The following SLC39A11 variants were observed in gnomAD, a reference collection of about 807,000 sequenced individuals.
SLC39A11 encodes zinc transporter ZIP11.
A neutral mutation model predicts 36.1 loss-of-function variants in SLC39A11; 33 were observed. That is an observed-to-expected ratio of 0.91 (90% CI 0.69 to 1.22). The LOEUF (loss-of-function observed/expected upper bound fraction) is 1.22. SLC39A11 is among the 50% of genes most tolerant of loss of function. The pLI is 0.00. For synonymous variants in SLC39A11, 166 were observed against 170.3 expected, an observed-to-expected ratio of 0.97 and a Z score of 0.20; for missense variants, 432 against 430.3, an observed-to-expected ratio of 1.00 and a Z score of -0.03.
intron 7 of SLC39A11, among the ~76,000 whole-genome samples, chr17:72,669,977 T>TAC (rs1407752299): frequency 6.7e-6 from 1 of 148,850 alleles, no homozygotes. Context: ...TAGATGTATA[T>TAC]ACACATATAT....
chr17:73,018,419 G>C (rs776113455), intron 4 of SLC39A11, among the ~76,000 whole-genome samples: 5 of 152,010 alleles, frequency 3.3e-5, no homozygotes, highest in African/African-American at 9.7e-5. Context: ...GTGATGGCAG[G>C]CTCCTGTAAT....
At chr17:72,980,281 A>ATATGTCATGAT (rs2088201568) in intron 4 of SLC39A11, among the ~76,000 whole-genome samples, 1 of 152,206 alleles carries the variant, frequency 6.6e-6, no homozygotes, top group Non-Finnish European at 1.5e-5. Context: ...TATGTCATGA[A>ATATGTCATGAT]ATAGGAGACC....
intron 3 of SLC39A11, among the ~76,000 whole-genome samples, chr17:73,082,056 C>T (rs567734622): frequency 2.0e-4 from 29 of 143,218 alleles, no homozygotes; most frequent in Middle Eastern, 3.8e-3. Flanking sequence ...CAGAAATTAC[C>T]GCTAAAGAAC....
chr17:72,875,909 C>T (rs535713828), intron 5 of SLC39A11, among the ~76,000 whole-genome samples: 113 of 152,290 alleles, frequency 7.4e-4, no homozygotes, highest in African/African-American at 2.6e-3. Context: ...TTAACACTGC[C>T]ATGGCAACAT....
intron 5 of SLC39A11, among the ~76,000 whole-genome samples, chr17:72,919,598 G>A (rs1370833373): frequency 6.6e-6 from 1 of 151,552 alleles, no homozygotes; most frequent in African/African-American, 2.4e-5. Context: ...CGAGAACCCG[G>A]GAGGTGGAGC....
chr17:72,758,511 G>A (rs573153682), intron 6 of SLC39A11, among the ~76,000 whole-genome samples: 1 of 152,254 alleles, frequency 6.6e-6, no homozygotes, highest in South Asian at 2.1e-4. Flanking sequence ...TCATAGTTCA[G>A]GCCAGTGATA....
At chr17:72,782,201 A>G (rs1016364569) in intron 6 of SLC39A11, among the ~76,000 whole-genome samples, 2 of 152,152 alleles carry the variant, frequency 1.3e-5, no homozygotes, top group African/African-American at 4.8e-5. Context: ...GGACAGAGGC[A>G]GAGACTGGAG....
chr17:72,675,770 G>A (rs970609422), intron 7 of SLC39A11, among the ~76,000 whole-genome samples: 3 of 152,232 alleles, frequency 2.0e-5, no homozygotes, highest in Non-Finnish European at 2.9e-5. Flanking sequence ...CGCAACCTCC[G>A]CCTCCTGGGT....
At chr17:72,877,399 C>T (rs2080960710) in intron 5 of SLC39A11, among the ~76,000 whole-genome samples, 1 of 152,202 alleles carries the variant, frequency 6.6e-6, no homozygotes, top group Non-Finnish European at 1.5e-5. Flanking sequence ...TTTCCTGACT[C>T]CTTTGAAGGG....
intron 4 of SLC39A11, among the ~76,000 whole-genome samples, chr17:72,953,312 T>C (rs939293704): frequency 6.6e-6 from 1 of 151,530 alleles, no homozygotes; most frequent in Admixed American, 6.6e-5. Context: ...AGAAGAAGAA[T>C]AGCACTTTCC....
chr17:72,799,146 G>A (rs2076998821), intron 6 of SLC39A11, among the ~76,000 whole-genome samples: 1 of 152,182 alleles, frequency 6.6e-6, no homozygotes, highest in Admixed American at 6.5e-5. Flanking sequence ...AGCTGGAGCT[G>A]TGGCAGAGGA....
intron 6 of SLC39A11, among the ~76,000 whole-genome samples, chr17:72,800,205 T>C (rs892538385): frequency 1.3e-5 from 2 of 151,584 alleles, no homozygotes; most frequent in Admixed American, 6.6e-5. Flanking sequence ...ATACCAAGGA[T>C]ACTTCAAAGT....
At chr17:73,037,803 G>A (rs932453103) in intron 3 of SLC39A11, among the ~76,000 whole-genome samples, 17 of 152,324 alleles carry the variant, frequency 1.1e-4, no homozygotes, top group Admixed American at 2.6e-4. Context: ...CCACCCAATC[G>A]AATGAAGCCA....
chr17:72,860,995 C>T lies in SLC39A11; in HGVS notation c.431-11191G>A, dbSNP rs564183472. On this transcript the variant is annotated intron_variant, in intron 5 of 9. Transcript: ENST00000255559. ...TATAGGACCCATCTAGCACATAACACGTACAACACAAACCACATTCTCTAG... is the reference window on the plus strand; with the variant it reads ...TATAGGACCCATCTAGCACATAACATGTACAACACAAACCACATTCTCTAG... Among the ~76,000 whole-genome samples the T allele has an allele frequency of 5.3e-5, 8 of 152,244 alleles. No individual in the cohort carries two copies. The South Asian group carries it at 6.2e-4, about 12-fold the overall frequency.
intron 5 of SLC39A11, among the ~76,000 whole-genome samples, chr17:72,908,397 G>A (rs1288530465): frequency 3.9e-5 from 6 of 152,224 alleles, no homozygotes; most frequent in Non-Finnish European, 7.3e-5. Flanking sequence ...GCTGCAACCT[G>A]CTAGCCACAC....
At chr17:72,971,243 C>T (rs893790669) in intron 4 of SLC39A11, among the ~76,000 whole-genome samples, 6 of 152,020 alleles carry the variant, frequency 3.9e-5, no homozygotes, top group South Asian at 2.1e-4. Context: ...TTCTGGTAGC[C>T]GGTTACCTCT....
At chr17:72,774,764 A>G (rs898613052) in intron 6 of SLC39A11, among the ~76,000 whole-genome samples, 1 of 152,228 alleles carries the variant, frequency 6.6e-6, no homozygotes, top group Non-Finnish European at 1.5e-5. Flanking sequence ...GCTTCTAGTT[A>G]GAGCACCTCT....
chr17:72,758,259 T>C (rs954878352), intron 6 of SLC39A11, among the ~76,000 whole-genome samples: 1 of 152,168 alleles, frequency 6.6e-6, no homozygotes, highest in Admixed American at 6.5e-5. Flanking sequence ...ATAATGATTA[T>C]AAGAAAGGTC....
At chr17:73,055,912 T>G (rs1356577659) in intron 3 of SLC39A11, among the ~76,000 whole-genome samples, 1 of 152,224 alleles carries the variant, frequency 6.6e-6, no homozygotes, top group Non-Finnish European at 1.5e-5. Flanking sequence ...GTTGCAGCCC[T>G]GGGCTTCTCA....
Sources: allele counts gnomAD v4.1 joint callset (sites outside exome capture counted in the v4.1 genomes callset), GRCh38; gene constraint gnomAD v4.1.1; transcripts MANE v1.5; gene names NCBI Gene and HGNC (gene_info 2026-07-23, HGNC 2026-07-21).